The following DCHS2 variants were observed in gnomAD, a reference collection of about 807,000 sequenced individuals.
DCHS2 encodes dachsous cadherin-related 2.
A neutral mutation model predicts 182.4 loss-of-function variants in DCHS2; 142 were observed. That is an observed-to-expected ratio of 0.78 (90% CI 0.68 to 0.89). DCHS2 has a LOEUF of 0.89. Ranked by LOEUF, DCHS2 falls within the 40% of genes least tolerant of loss-of-function variation. The pLI, the probability that DCHS2 is intolerant of heterozygous loss-of-function variation, is 0.00. For synonymous variants in DCHS2, 1,740 were observed against 1,663.3 expected (o/e 1.05, Z -1.12); for missense variants, 4,319 against 4,198.6 (o/e 1.03, Z -0.79).
At chr4:154,484,121 T>C (rs1172965698) in intron 1 of DCHS2, among the ~76,000 whole-genome samples, 1 of 152,210 alleles carries the variant, frequency 6.6e-6, no homozygotes, top group African/African-American at 2.4e-5. Context: ...ATGGTGTTAT[T>C]TTTTACTCCT....
chr4:154,284,946 G>A (rs1360276964), intron 13 of DCHS2, among the ~76,000 whole-genome samples: 1 of 152,106 alleles, frequency 6.6e-6, no homozygotes, highest in African/African-American at 2.4e-5. Context: ...AGGCAGCACA[G>A]CTTATAACTC....
intron 1 of DCHS2, among the ~76,000 whole-genome samples, chr4:154,409,475 G>A (rs536829880): frequency 1.3e-5 from 2 of 152,284 alleles, no homozygotes; most frequent in East Asian, 1.9e-4. Flanking sequence ...CCCAGAGACA[G>A]GCCAGTACCG....
At chr4:154,465,190 C>A (rs78205334) in intron 1 of DCHS2, among the ~76,000 whole-genome samples, 2 of 152,140 alleles carry the variant, frequency 1.3e-5, no homozygotes, top group Admixed American at 6.5e-5. Flanking sequence ...GGTGCCAGAT[C>A]GAGCCGCAAT....
At chr4:154,440,554 C>T (rs1733965035) in intron 1 of DCHS2, among the ~76,000 whole-genome samples, 2 of 152,110 alleles carry the variant, frequency 1.3e-5, no homozygotes, top group South Asian at 2.1e-4. Flanking sequence ...GTACCATGAC[C>T]CTTTGGAGGG....
chr4:154,409,895 A>G (rs1732550839), intron 1 of DCHS2, among the ~76,000 whole-genome samples: 1 of 152,210 alleles, frequency 6.6e-6, no homozygotes, highest in Non-Finnish European at 1.5e-5. Context: ...CTGAAACACC[A>G]TAGTCATCAC....
At chr4:154,326,886 T>C (rs1736306559) in intron 7 of DCHS2, among the ~76,000 whole-genome samples, 1 of 152,180 alleles carries the variant, frequency 6.6e-6, no homozygotes, top group Non-Finnish European at 1.5e-5. Flanking sequence ...ACATGATGTT[T>C]AGAATCAGCT....
At chr4:154,459,616 T>C (rs1243574584) in intron 1 of DCHS2, among the ~76,000 whole-genome samples, 1 of 152,038 alleles carries the variant, frequency 6.6e-6, no homozygotes, top group Non-Finnish European at 1.5e-5. Context: ...CAGGCACCCC[T>C]GCGAAGTGGC....
chr4:154,426,640 T>A (rs1733338811), intron 1 of DCHS2, among the ~76,000 whole-genome samples: 1 of 152,042 alleles, frequency 6.6e-6, no homozygotes. Flanking sequence ...TATTGTACAT[T>A]TTAAAATAAC....
At chr4:154,272,452 T>C (rs188860111) in intron 13 of DCHS2, among the ~76,000 whole-genome samples, 1 of 152,248 alleles carries the variant, frequency 6.6e-6, no homozygotes, top group African/African-American at 2.4e-5. Context: ...CTCATAATCT[T>C]CACGTGTCAA....
At chr4:154,430,378 GGCA>G (rs1733510908) in intron 1 of DCHS2, among the ~76,000 whole-genome samples, 1 of 152,106 alleles carries the variant, frequency 6.6e-6, no homozygotes. Context: ...TTCAAGCCTG[GGCA>G]GCATCAAAAA....
chr4:154,464,152 C>T (rs1735139130), intron 1 of DCHS2, among the ~76,000 whole-genome samples: 1 of 152,098 alleles, frequency 6.6e-6, no homozygotes, highest in African/African-American at 2.4e-5. Flanking sequence ...AAAAAAGCAC[C>T]CTCCAGCATG....
chr4:154,329,779 C>T, intron 5 of DCHS2, 69 bp from the exon 6 acceptor site: 1 of 1,413,778 alleles, frequency 7.1e-7, no homozygotes, highest in Non-Finnish European at 9.6e-7. Flanking sequence ...GAACCATTTC[C>T]AGAAGGAAAA....
intron 1 of DCHS2, among the ~76,000 whole-genome samples, chr4:154,471,471 CAAGAGTT>C (rs1735465477): frequency 6.6e-6 from 1 of 152,096 alleles, no homozygotes; most frequent in South Asian, 2.1e-4. Context: ...TCAGCTATAA[CAAGAGTT>C]ATGTCTATAA....
chr4:154,415,096 G>A (rs184594803), intron 1 of DCHS2, among the ~76,000 whole-genome samples: 86 of 152,294 alleles, frequency 5.6e-4, no homozygotes, highest in Non-Finnish European at 1.5e-5. Flanking sequence ...GCCTAAATCA[G>A]TATCATTTAG....
At position 154,335,001 on chromosome 4, in the gene DCHS2, G is replaced by A. The variant is rs374856503; in HGVS notation, c.2580C>T (p.Ala860=). ...TCTGGAAAATGTGTATGGTGACATCGGCATTAATGACAGCTGTGAGCCCAC... is the reference window on the plus strand; with the variant it reads ...TCTGGAAAATGTGTATGGTGACATCAGCATTAATGACAGCTGTGAGCCCAC... ...DGGGLTAVIN[A]DVTIHIFQTT... Residue 860 remains alanine (A), a synonymous_variant, in exon 4 of 20, where the codon GCC becomes GCT. Coordinates refer to ENST00000357232, the MANE Select transcript of DCHS2 (RefSeq NM_001358235.2). 72 of 1,613,968 alleles carry A rather than the reference G, an allele frequency of 4.5e-5. No individual in the cohort carries two copies. Among genetic ancestry groups the A allele is most frequent in the African/African-American group, 1.6e-4 (12 of 74,892 alleles).
chr4:154,489,112 C>T (rs1056437787), intron 1 of DCHS2, among the ~76,000 whole-genome samples, 192 bp downstream of exon 1: 15 of 113,240 alleles, frequency 1.3e-4, no homozygotes, highest in Admixed American at 5.2e-4. Context: ...GATCATGTAG[C>T]CAAGACCCTG....
intron 1 of DCHS2, among the ~76,000 whole-genome samples, chr4:154,420,175 G>A (rs574198945): frequency 6.6e-6 from 1 of 151,922 alleles, no homozygotes; most frequent in East Asian, 1.9e-4. Flanking sequence ...GAGACCAGAT[G>A]GAGAGAAGAA....
chr4:154,483,839 C>T (rs1579125521), intron 1 of DCHS2, among the ~76,000 whole-genome samples: 2 of 152,188 alleles, frequency 1.3e-5, no homozygotes. Context: ...TCTCAGCCAG[C>T]GTCCTTAGCC....
intron 13 of DCHS2, among the ~76,000 whole-genome samples, chr4:154,279,189 T>C (rs561291674): frequency 3.3e-5 from 5 of 152,128 alleles, no homozygotes; most frequent in East Asian, 1.9e-4. Context: ...AAATATGATA[T>C]TTTATATAGT....
Sources: allele counts gnomAD v4.1 joint callset (sites outside exome capture counted in the v4.1 genomes callset), GRCh38; gene constraint gnomAD v4.1.1; transcripts MANE v1.5; gene names NCBI Gene and HGNC (gene_info 2026-07-23, HGNC 2026-07-21).